WNT5B: variants seen among roughly 807,000 people sequenced by gnomAD.
The protein encoded by WNT5B is protein Wnt-5b.
WNT5B carries 18 observed loss-of-function variants against 36.5 expected under a neutral mutation model. The observed-to-expected ratio is 0.49, with a 90% confidence interval of 0.34 to 0.73. The LOEUF (loss-of-function observed/expected upper bound fraction) is 0.73, where lower values mean the gene tolerates loss of function less well. Ranked by LOEUF, WNT5B falls within the 30% of genes least tolerant of loss-of-function variation. WNT5B has a pLI of 0.01. For missense variants in WNT5B, 424 were observed against 508.4 expected, an observed-to-expected ratio of 0.83 and a Z score of 1.60; for synonymous variants, 213 against 212.3, an observed-to-expected ratio of 1.00 and a Z score of -0.03.
chr12:1,626,925 G>GCTTTC (rs778260162), upstream of WNT5B, among the ~76,000 whole-genome samples: 1 of 152,122 alleles, frequency 6.6e-6, no homozygotes, highest in Admixed American at 6.6e-5. Context: ...AAGTAAGAGT[G>GCTTTC]CTTTTCTTTT....
At chr12:1,622,913 A>G (rs1261421916) in intron 1 of WNT5B, among the ~76,000 whole-genome samples, 1 of 152,196 alleles carries the variant, frequency 6.6e-6, no homozygotes, top group Non-Finnish European at 1.5e-5. Flanking sequence ...TGGTTAGAGA[A>G]GGCCTCTTGG....
chr12:1,623,036 T>G (rs990555390), intron 1 of WNT5B, among the ~76,000 whole-genome samples: 1 of 151,448 alleles, frequency 6.6e-6, no homozygotes, highest in Non-Finnish European at 1.5e-5. Flanking sequence ...GGTAAGGAGG[T>G]ATCAGGAGTT....
At chr12:1,643,869 A>G (rs1190206084) in intron 4 of WNT5B, among the ~76,000 whole-genome samples, 1 of 151,730 alleles carries the variant, frequency 6.6e-6, no homozygotes, top group Admixed American at 6.6e-5. Context: ...AGATATTCCT[A>G]TCTCTACAAT....
intron 1 of WNT5B, among the ~76,000 whole-genome samples, chr12:1,620,771 T>G (rs1229444391): frequency 2.0e-5 from 3 of 150,810 alleles, no homozygotes; most frequent in Non-Finnish European, 2.9e-5. Context: ...TGGCACGACC[T>G]TGGCTCACTG....
chr12:1,621,880 C>T (rs1041633747), intron 1 of WNT5B, among the ~76,000 whole-genome samples: 44 of 152,044 alleles, frequency 2.9e-4, no homozygotes, highest in Non-Finnish European at 4.9e-4. Context: ...ATAAATTTCA[C>T]GAACAAGCAA....
intron 3 of WNT5B, among the ~76,000 whole-genome samples, chr12:1,639,370 C>A (rs2094569027): frequency 1.3e-5 from 2 of 152,198 alleles, no homozygotes. Flanking sequence ...GATCTCCTGA[C>A]CTCGTGGTCC....
intron 1 of WNT5B, among the ~76,000 whole-genome samples, chr12:1,617,865 G>A (rs906471812): frequency 2.6e-5 from 4 of 152,114 alleles, no homozygotes; most frequent in African/African-American, 9.7e-5. Flanking sequence ...TGGGCTGGGC[G>A]CAGTGGCTCA....
In WNT5B at chr12:1,632,931, G is replaced by A. The variant is rs369861672; in HGVS notation, c.328+26G>A. ...GTAAGAGGCCATTACAAGAGGGCTC[G>A]GCCAAGGAACTGCACTCGTCTCGTT... On this transcript the variant is annotated intron_variant, in intron 3 of 4. Coordinates refer to ENST00000397196, the MANE Select transcript of WNT5B (RefSeq NM_032642.3). The surrounding 1 kb of genome is among the most constrained non-coding windows in gnomAD (Gnocchi z 5.8). The A allele has an allele frequency of 6.0e-5, 96 of 1,587,088 alleles. No individual in the cohort carries two copies. The highest frequency in any genetic ancestry group is 1.4e-4 in the East Asian group (6 of 44,406).
At chr12:1,617,140 TC>T (rs1399198266) in exon 1 of WNT5B, 2 of 152,176 alleles carry the variant, frequency 1.3e-5, no homozygotes, top group Admixed American at 1.3e-4. Context: ...AAGACTGGAA[TC>T]AGGTGAGGCC....
In WNT5B at chr12:1,646,207, G is replaced by A; in HGVS notation, c.1035G>A (p.Arg345=). The A allele has an allele frequency of 6.2e-7, 1 of 1,613,760 alleles. No individual in the cohort carries two copies. The highest frequency in any genetic ancestry group is 1.1e-5 in the South Asian group (1 of 91,086). The change falls in exon 5 of 5, where the codon AGG becomes AGA. Residue 345 remains arginine (R), a synonymous_variant. Coordinates refer to ENST00000397196, the MANE Select transcript of WNT5B (RefSeq NM_032642.3). ...HCKFHWCCFV[R]CKKCTEIVDQ... Reference sequence around the variant, plus strand: ...AGTTCCACTGGTGCTGCTTCGTCAGGTGTAAGAAGTGCACGGAGATCGTGG... The same window carrying A: ...AGTTCCACTGGTGCTGCTTCGTCAGATGTAAGAAGTGCACGGAGATCGTGG...
chr12:1,638,263 CA>C (rs1404563315), intron 3 of WNT5B, among the ~76,000 whole-genome samples: 10 of 152,096 alleles, frequency 6.6e-5, no homozygotes, highest in Non-Finnish European at 1.5e-4. Flanking sequence ...AACAAACAAA[CA>C]AACAAAAAAA....
rs541247357 is a variant in WNT5B at position 1,633,465 on chromosome 12, C to G, written c.328+560C>G. Among the ~76,000 whole-genome samples the G allele has an allele frequency of 2.0e-5, 3 of 152,236 alleles. No homozygotes were observed. The South Asian group carries it at 6.2e-4, about 32-fold the overall frequency. On this transcript the variant is annotated intron_variant, in intron 3 of 4. Coordinates refer to ENST00000397196, the MANE Select transcript of WNT5B (RefSeq NM_032642.3). The surrounding 1 kb of genome is among the most constrained non-coding windows in gnomAD (Gnocchi z 4.8). The stretch of plus-strand genomic sequence containing the variant: ...TGTGAACATGGGGGAAGGGGTCAGA[C>G]GAAAGAAAAGATGAGAGGGAGAGGG...
rs761610479 is a variant in WNT5B at position 1,639,738 on chromosome 12, C to T, written c.383C>T (p.Ala128Val). The change falls in exon 4 of 5, where the codon GCC (alanine) becomes GTC (valine). Residue 128 changes from alanine (A) to valine (V), a missense_variant. By Grantham distance (64) the Ala-to-Val change is moderately conservative. Transcript: ENST00000397196. ...GTGAGCGCCGCGGGCGTGGTCAACGCCATCAGCCGGGCCTGCCGCGAGGGC... is the reference window on the plus strand; with the variant it reads ...GTGAGCGCCGCGGGCGTGGTCAACGTCATCAGCCGGGCCTGCCGCGAGGGC... ...HAVSAAGVVN[A>V]ISRACREGEL... 4 of 1,600,922 alleles carry T rather than the reference C, an allele frequency of 2.5e-6. No individual in the cohort carries two copies. In the South Asian group the frequency reaches 4.4e-5, roughly 18 times the overall value.
At chr12:1,617,196 T>C (rs1479014660) in intron 1 of WNT5B, 6 of 152,080 alleles carry the variant, frequency 3.9e-5, no homozygotes, top group Admixed American at 3.3e-4. Flanking sequence ...AATTACAGAA[T>C]TGCTTAGAAA....
intron 4 of WNT5B, among the ~76,000 whole-genome samples, chr12:1,642,288 C>G (rs2094576959): frequency 6.6e-6 from 1 of 152,170 alleles, no homozygotes. Context: ...GGGTTAAGAT[C>G]CGCACTTTAT....
Position 1,632,935 on chromosome 12 carries a change from A to G in WNT5B, c.328+30A>G, listed in dbSNP as rs372817407. The G allele has an allele frequency of 3.2e-6, 5 of 1,583,396 alleles. No individual in the cohort carries two copies. In the African/African-American group the frequency reaches 4.0e-5, roughly 13 times the overall value. ...GAGGCCATTACAAGAGGGCTCGGCC[A>G]AGGAACTGCACTCGTCTCGTTTGGG... is the stretch of plus-strand genomic sequence containing the variant. On this transcript the variant is annotated intron_variant, in intron 3 of 4. Coordinates refer to ENST00000397196, the MANE Select transcript of WNT5B (RefSeq NM_032642.3). The surrounding 1 kb of genome is among the most constrained non-coding windows in gnomAD (Gnocchi z 5.8).
upstream of WNT5B, chr12:1,629,116 G>T (rs1395137815): frequency 6.6e-6 from 1 of 152,124 alleles, no homozygotes; most frequent in African/African-American, 2.4e-5. Flanking sequence ...GGATGGAGTA[G>T]AAACAGCTGC....
At position 1,632,061 on chromosome 12, in the gene WNT5B, A is replaced by G. The variant is rs75928068; in HGVS notation, c.81-597A>G. On this transcript the variant is annotated intron_variant, in intron 2 of 4. Coordinates refer to ENST00000397196, the MANE Select transcript of WNT5B (RefSeq NM_032642.3). This position sits in a 1 kb window ranked among gnomAD's most constrained non-coding sequence, Gnocchi z 5.8. ...GAACTGGTGGAGAGTGGATGAGGGG[A>G]AGCTCAAAGTGAGACATGGCAGTGA... is the stretch of plus-strand genomic sequence containing the variant. Among the ~76,000 whole-genome samples, 379 of 152,330 alleles carry G rather than the reference A, an allele frequency of 2.5e-3. 2 individuals are homozygous for G. Among genetic ancestry groups the G allele is most frequent in the Non-Finnish European group, 4.3e-3 (295 of 68,024 alleles).
chr12:1,639,144 T>C (rs1592533447), intron 3 of WNT5B, among the ~76,000 whole-genome samples: 1 of 152,060 alleles, frequency 6.6e-6, no homozygotes, highest in East Asian at 1.9e-4. Context: ...TGTGTTTTTT[T>C]TTCTTTTTTT....
Sources: allele counts gnomAD v4.1 joint callset (sites outside exome capture counted in the v4.1 genomes callset), GRCh38; gene constraint gnomAD v4.1.1; non-coding constraint Gnocchi (gnomAD v3.1); transcripts MANE v1.5; gene names NCBI Gene and HGNC (gene_info 2026-07-23, HGNC 2026-07-21).